SPAG16: variants seen among roughly 807,000 people sequenced by gnomAD.
SPAG16 encodes the protein sperm associated antigen 16.
In SPAG16, 86 loss-of-function variants were observed where a neutral mutation model predicts 80.4. The ratio of observed to expected loss-of-function variants is 1.07; its 90% CI spans 0.90 to 1.28. The LOEUF is 1.28. Among genes scored for constraint, SPAG16 ranks in the 50% most tolerant of loss-of-function variants. The pLI is 0.00. For synonymous variants in SPAG16, 294 were observed against 265.9 expected, an observed-to-expected ratio of 1.11 and a Z score of -1.03; for missense variants, 870 against 765.3, an observed-to-expected ratio of 1.14 and a Z score of -1.61.
chr2:214,390,861 C>T (rs190857878), intron 15 of SPAG16, among the ~76,000 whole-genome samples: 1 of 151,976 alleles, frequency 6.6e-6, no homozygotes, highest in South Asian at 2.1e-4. Flanking sequence ...AGAGACAAGG[C>T]CATGTACAAA....
chr2:214,293,534 A>C (rs1235664280), intron 15 of SPAG16, among the ~76,000 whole-genome samples: 3 of 152,214 alleles, frequency 2.0e-5, no homozygotes, highest in Non-Finnish European at 4.4e-5. Context: ...TAGTATGTTC[A>C]GGCACTACGT....
At position 213,859,178 on chromosome 2, in the gene SPAG16, C is replaced by CAAAAAAAAAAAAAAAAAAAA. The variant is rs1165853142; in HGVS notation, c.1071-3288_1071-3269dup. On this transcript the variant is annotated intron_variant, in intron 10 of 15. Transcript: ENST00000331683. ...TGGGCAACAGAGCGACACTCCGTCTCAAAAAAAAAAAAAAAAAAAAAAAAA... is the reference window on the plus strand; with the variant it reads ...TGGGCAACAGAGCGACACTCCGTCTCAAAAAAAAAAAAAAAAAAAAAAAAAAAAAAAAAAAAAAAAAAAAA... 2.1e-3 allele frequency among the ~76,000 whole-genome samples: 20 copies of CAAAAAAAAAAAAAAAAAAAA among 9,378 alleles called. 9 individuals are homozygous for CAAAAAAAAAAAAAAAAAAAA. Among genetic ancestry groups the CAAAAAAAAAAAAAAAAAAAA allele is most frequent in the Non-Finnish European group, 2.9e-3 (16 of 5,530 alleles). 6.2% of individuals were successfully genotyped at this position (9,378 alleles called of 152,430 possible). A position where few individuals can be genotyped will look rare whatever the true frequency, so the allele number is the denominator to read the frequency against.
At chr2:214,375,469 T>C (rs748179856) in intron 15 of SPAG16, among the ~76,000 whole-genome samples, 3 of 152,144 alleles carry the variant, frequency 2.0e-5, no homozygotes, top group Non-Finnish European at 4.4e-5. Flanking sequence ...TGACATCTCC[T>C]ACAGCGAATA....
intron 10 of SPAG16, among the ~76,000 whole-genome samples, chr2:213,513,095 T>C (rs2075289827): frequency 6.6e-6 from 1 of 152,232 alleles, no homozygotes; most frequent in South Asian, 2.1e-4. Context: ...TCTATGATCC[T>C]CTTTTCCACT....
At chr2:214,147,516 A>G (rs1256424642) in intron 14 of SPAG16, among the ~76,000 whole-genome samples, 3 of 152,134 alleles carry the variant, frequency 2.0e-5, no homozygotes, top group Admixed American at 2.0e-4. Context: ...ATTGAAAAAA[A>G]TTTCCATTCT....
At chr2:214,343,869 A>T (rs1697882171) in intron 15 of SPAG16, among the ~76,000 whole-genome samples, 1 of 152,130 alleles carries the variant, frequency 6.6e-6, no homozygotes, top group Non-Finnish European at 1.5e-5. Context: ...AATAAAGTAG[A>T]ATGAACAATG....
At chr2:213,779,911 A>G (rs543674929) in intron 10 of SPAG16, among the ~76,000 whole-genome samples, 1 of 152,352 alleles carries the variant, frequency 6.6e-6, no homozygotes, top group South Asian at 2.1e-4. Flanking sequence ...AAAGGGAATG[A>G]AGTAAACTTA....
intron 11 of SPAG16, among the ~76,000 whole-genome samples, chr2:213,890,637 T>C (rs1036506550): frequency 6.6e-6 from 1 of 152,076 alleles, no homozygotes; most frequent in Non-Finnish European, 1.5e-5. Context: ...CATTTATATT[T>C]GTTCAATTAT....
chr2:214,204,506 CTG>C (rs2058090264), intron 15 of SPAG16, among the ~76,000 whole-genome samples: 2 of 152,220 alleles, frequency 1.3e-5, no homozygotes, highest in African/African-American at 4.8e-5. Context: ...TCACAGGACT[CTG>C]TGCAGACACT....
chr2:213,911,949 C>A (rs931962436), intron 11 of SPAG16, among the ~76,000 whole-genome samples: 3 of 151,738 alleles, frequency 2.0e-5, no homozygotes, highest in Non-Finnish European at 4.4e-5. Context: ...ATGCACTTAG[C>A]ACATAAGGAT....
intron 3 of SPAG16, among the ~76,000 whole-genome samples, chr2:213,303,812 G>C (rs1472619531): frequency 6.6e-6 from 1 of 152,076 alleles, no homozygotes; most frequent in Non-Finnish European, 1.5e-5. Flanking sequence ...CCAAATCTTA[G>C]TTATTGTGAA....
chr2:214,179,546 C>T (rs1452175306), intron 15 of SPAG16, among the ~76,000 whole-genome samples: 1 of 151,388 alleles, frequency 6.6e-6, no homozygotes, highest in East Asian at 1.9e-4. Context: ...ATGGTCTCTC[C>T]TGTCTTCATT....
At chr2:213,330,858 A>G (rs573287095) in intron 5 of SPAG16, among the ~76,000 whole-genome samples, 158 of 152,290 alleles carry the variant, frequency 1.0e-3, no homozygotes, top group South Asian at 2.7e-3. Flanking sequence ...TGTGACAGCA[A>G]ATAATCCTCA....
At chr2:214,042,798 C>G (rs544024334) in intron 13 of SPAG16, among the ~76,000 whole-genome samples, 1 of 152,136 alleles carries the variant, frequency 6.6e-6, no homozygotes, top group African/African-American at 2.4e-5. Flanking sequence ...ATTTATCTAC[C>G]CAAGCTAAAG....
At chr2:214,376,555 C>G (rs1482890292) in intron 15 of SPAG16, among the ~76,000 whole-genome samples, 1 of 152,010 alleles carries the variant, frequency 6.6e-6, no homozygotes, top group Non-Finnish European at 1.5e-5. Context: ...TTTGGTTTGA[C>G]ACTATATTTT....
chr2:213,946,790 T>G (rs1164082729), intron 12 of SPAG16, among the ~76,000 whole-genome samples: 1 of 152,174 alleles, frequency 6.6e-6, no homozygotes, highest in African/African-American at 2.4e-5. Flanking sequence ...AACACCATAA[T>G]CAGGATACAG....
intron 10 of SPAG16, among the ~76,000 whole-genome samples, chr2:213,668,940 G>T (rs956494008): frequency 2.6e-5 from 4 of 152,114 alleles, no homozygotes; most frequent in Non-Finnish European, 4.4e-5. Flanking sequence ...GAGCCACTGC[G>T]CCCGGCCTGA....
At chr2:213,332,593 G>T (rs1010451132) in intron 5 of SPAG16, among the ~76,000 whole-genome samples, 1 of 151,876 alleles carries the variant, frequency 6.6e-6, no homozygotes, top group African/African-American at 2.4e-5. Flanking sequence ...AAAACCACAG[G>T]CCAGTATCTC....
intron 7 of SPAG16, among the ~76,000 whole-genome samples, chr2:213,359,044 G>A (rs2065831542): frequency 6.6e-6 from 1 of 152,180 alleles, no homozygotes; most frequent in Non-Finnish European, 1.5e-5. Flanking sequence ...GTTTGCTGGA[G>A]GTCCACTCCA....
Sources: gnomAD v4.1 joint callset for allele counts (sites outside exome capture counted in the v4.1 genomes callset) on GRCh38, gnomAD v4.1.1 for gene constraint, MANE v1.5 for transcripts, NCBI Gene and HGNC (gene_info 2026-07-23, HGNC 2026-07-21) for gene names.